The following TFDP2 variants were observed in gnomAD, a reference collection of about 807,000 sequenced individuals.
The protein encoded by TFDP2 is transcription factor Dp-2 (E2F dimerization partner 2).
Under a neutral mutation model 59.3 loss-of-function variants are expected in TFDP2, and 17 were observed. That is an observed-to-expected ratio of 0.29 (90% CI 0.20 to 0.43). The LOEUF is 0.43. TFDP2 is among the 20% of genes least tolerant of loss of function. TFDP2 has a pLI of 1.00. For missense variants in TFDP2, 391 were observed against 528.8 expected (o/e 0.74, Z 2.56); for synonymous variants, 180 against 194.7 (o/e 0.92, Z 0.63).
intron 3 of TFDP2, among the ~76,000 whole-genome samples, chr3:142,032,058 C>T (rs1337096475): frequency 2.0e-5 from 3 of 152,084 alleles, no homozygotes; most frequent in East Asian, 3.8e-4. Flanking sequence ...TGTTTGCCTG[C>T]TGCTCTTCCT....
At chr3:142,024,590 T>C (rs1470454206) in intron 3 of TFDP2, among the ~76,000 whole-genome samples, 1 of 152,196 alleles carries the variant, frequency 6.6e-6, no homozygotes, top group East Asian at 1.9e-4. Context: ...TTGACCTCTC[T>C]GGGTATTCTG....
At chr3:142,046,583 G>A (rs1033336867) in intron 3 of TFDP2, among the ~76,000 whole-genome samples, 6 of 37,528 alleles carry the variant, frequency 1.6e-4, no homozygotes, top group African/African-American at 1.1e-3. Context: ...GTTGCAACAC[G>A]GCGTTGGTGT....
chr3:142,092,052 C>T (rs1705613), intron 3 of TFDP2, among the ~76,000 whole-genome samples: 135,436 of 152,198 alleles, frequency 0.89, 60,493 homozygotes, highest in African/African-American at 0.97. Flanking sequence ...ATTTCAAATA[C>T]ACACAAAAGA....
At chr3:142,092,261 T>C (rs1195690251) in intron 3 of TFDP2, among the ~76,000 whole-genome samples, 1 of 152,182 alleles carries the variant, frequency 6.6e-6, no homozygotes, top group Admixed American at 6.6e-5. Context: ...CCACAAGATA[T>C]TGTTCAAAGA....
chr3:141,958,698 A>C (rs886649026), intron 11 of TFDP2, among the ~76,000 whole-genome samples: 2 of 152,166 alleles, frequency 1.3e-5, no homozygotes, highest in African/African-American at 4.8e-5. Context: ...GTATTTAATA[A>C]GAACAATTTA....
intron 3 of TFDP2, among the ~76,000 whole-genome samples, chr3:142,038,067 T>A (rs1393231490): frequency 1.3e-5 from 2 of 152,026 alleles, no homozygotes; most frequent in African/African-American, 4.8e-5. Context: ...CTTGTGCTGA[T>A]CCCCTACAGA....
intron 4 of TFDP2, among the ~76,000 whole-genome samples, chr3:141,999,629 T>C (rs895757769): frequency 1.3e-5 from 2 of 152,322 alleles, no homozygotes; most frequent in African/African-American, 4.8e-5. Flanking sequence ...CCTTTTGAAA[T>C]TTCTATCTAC....
intron 1 of TFDP2, among the ~76,000 whole-genome samples, chr3:142,107,235 CTT>C (rs759364886): frequency 1.4e-5 from 2 of 142,000 alleles, no homozygotes; most frequent in South Asian, 2.2e-4. Context: ...TTTTTCTTTT[CTT>C]TTTTTTTTTT....
Position 141,949,204 on chromosome 3 carries a change from A to T in TFDP2, c.*3309T>A. 1 of 152,140 alleles carries T rather than the reference A, an allele frequency of 6.6e-6. No homozygotes were observed. The highest frequency in any genetic ancestry group is 1.9e-4 in the East Asian group (1 of 5,182). The allele number at this position is 152,140 out of a possible 1,614,324, so 9.4% of individuals were successfully genotyped here. On this transcript the variant is annotated 3_prime_UTR_variant, in exon 13 of 13. Coordinates refer to ENST00000489671, the MANE Select transcript of TFDP2 (RefSeq NM_001178139.2). ...ACTGTTAACAACTGTAAAATTTGCTAATGGAAGGAGTTATCCTCTTTATCC... is the reference window on the plus strand; with the variant it reads ...ACTGTTAACAACTGTAAAATTTGCTTATGGAAGGAGTTATCCTCTTTATCC...
intron 9 of TFDP2, among the ~76,000 whole-genome samples, chr3:141,965,159 T>C (rs945062792): frequency 6.6e-6 from 1 of 152,112 alleles, no homozygotes; most frequent in Middle Eastern, 3.2e-3. Flanking sequence ...AAGTTTTTCA[T>C]CTGCTCAAGA....
intron 3 of TFDP2, among the ~76,000 whole-genome samples, chr3:142,090,322 T>C (rs1046317486): frequency 7.2e-5 from 11 of 152,188 alleles, no homozygotes; most frequent in Non-Finnish European, 1.0e-4. Flanking sequence ...CTGATCTCTC[T>C]AGTCCACTCT....
intron 3 of TFDP2, among the ~76,000 whole-genome samples, chr3:142,013,208 T>C (rs1439235107): frequency 6.6e-6 from 1 of 151,466 alleles, no homozygotes; most frequent in Non-Finnish European, 1.5e-5. Flanking sequence ...GAATCAGCCA[T>C]AGCTACTAAA....
Position 142,041,547 on chromosome 3 carries a change from A to G in TFDP2, c.83-36003T>C, listed in dbSNP as rs186663727. 5.3e-4 allele frequency among the ~76,000 whole-genome samples: 81 copies of G among 152,326 alleles called. 2 individuals are homozygous for G. The East Asian group carries it at 0.014, about 25-fold the overall frequency. ...CTTTGTTCCTCCTTTGCCTTCTGCC[A>G]TGATTGTGAGGCCTCCCCAGCCATG... On this transcript the variant is annotated intron_variant, in intron 3 of 12. Coordinates refer to ENST00000489671, the MANE Select transcript of TFDP2 (RefSeq NM_001178139.2).
chr3:142,019,181 CAGCCTCCTGAGT>C (rs1945399908), intron 3 of TFDP2, among the ~76,000 whole-genome samples: 1 of 151,976 alleles, frequency 6.6e-6, no homozygotes, highest in African/African-American at 2.4e-5. Flanking sequence ...TCTCCTGCCT[CAGCCTCCTGAGT>C]AGCTGGGATT....
intron 3 of TFDP2, among the ~76,000 whole-genome samples, chr3:142,026,069 T>G (rs1298812262): frequency 6.6e-6 from 1 of 152,202 alleles, no homozygotes; most frequent in African/African-American, 2.4e-5. Context: ...CCCAGCACTC[T>G]GGGAGGCCGA....
Position 141,953,016 on chromosome 3 carries a change from T to G in TFDP2, c.1052A>C (p.Asp351Ala). The stretch of plus-strand genomic sequence containing the variant: ...TAACCAAGAAGGTCCTGTGGAGATA[T>G]CTAAAGGAAAAAATGAGAACAAAAA... The part of the protein sequence containing the change: ...VPKALEGYIT[D>A]ISTGPSWLNQ... Residue 351 changes from aspartate to alanine, a missense_variant and splice_region_variant, in exon 12 of 13, where the codon GAT (aspartate) becomes GCT (alanine). Around this residue, in one of 3 missense-constraint regions of TFDP2, gnomAD observed 223 missense variants for 292.5 expected, o/e 0.76. Transcript: ENST00000489671. 1 of 1,609,472 alleles carries G rather than the reference T, an allele frequency of 6.2e-7. No individual in the cohort carries two copies. The highest frequency in any genetic ancestry group is 8.5e-7 in the Non-Finnish European group (1 of 1,176,812).
intron 9 of TFDP2, among the ~76,000 whole-genome samples, chr3:141,964,776 G>A (rs1937692453): frequency 6.6e-6 from 1 of 152,170 alleles, no homozygotes; most frequent in South Asian, 2.1e-4. Flanking sequence ...GGTTTCTAAG[G>A]CACCTCCACA....
chr3:142,062,964 G>A (rs1296245188), intron 3 of TFDP2, among the ~76,000 whole-genome samples: 1 of 152,154 alleles, frequency 6.6e-6, no homozygotes, highest in Non-Finnish European at 1.5e-5. Context: ...CATGATAGCA[G>A]TTATCCTTGA....
At chr3:141,968,366 A>G (rs1425206779) in intron 9 of TFDP2, among the ~76,000 whole-genome samples, 3 of 105,356 alleles carry the variant, frequency 2.8e-5, no homozygotes, top group Non-Finnish European at 4.1e-5. Flanking sequence ...CATATATCTC[A>G]TATATAACAT....
Sources: allele counts gnomAD v4.1 joint callset (sites outside exome capture counted in the v4.1 genomes callset), GRCh38; gene constraint gnomAD v4.1.1; regional missense constraint gnomAD v4.1.1; transcripts MANE v1.5; gene names NCBI Gene and HGNC (gene_info 2026-07-23, HGNC 2026-07-21).